NDP: variants seen among roughly 807,000 people sequenced by gnomAD.
The protein encoded by NDP is norrin cystine knot growth factor NDP.
NDP carries 2 observed loss-of-function variants against 8.4 expected under a neutral mutation model. That is an observed-to-expected ratio of 0.24 (90% CI 0.10 to 0.75). The LOEUF (loss-of-function observed/expected upper bound fraction) is 0.75, where lower values mean the gene tolerates loss of function less well. Among genes scored for constraint, NDP ranks in the 30% least tolerant of loss-of-function variants. The pLI is 0.73. For synonymous variants in NDP, 55 were observed against 45.6 expected (o/e 1.21, Z -0.83); for missense variants, 81 against 110.1 (o/e 0.74, Z 1.18).
chrX:43,958,941 T>C, intron 1 of NDP, 89 bp from the exon 2 acceptor site: 1 of 312,717 alleles, frequency 3.2e-6, no homozygotes, highest in Non-Finnish European at 5.8e-6. Flanking sequence ...AATTTTTCCA[T>C]GTTATTTTGA....
intron 2 of NDP, among the ~76,000 whole-genome samples, chrX:43,951,308 T>C (rs925899830): frequency 9.1e-6 from 1 of 110,133 alleles, no homozygotes; most frequent in East Asian, 2.8e-4. Context: ...CCAGCTACTT[T>C]GGCAGCTGAG....
chrX:43,958,683 G>A lies in NDP; in HGVS notation c.-38C>T. 8.6e-7 allele frequency: 1 copy of A among 1,156,980 alleles called. No individual in the cohort carries two copies. The highest frequency in any genetic ancestry group is 1.2e-6 in the Non-Finnish European group (1 of 847,249). ...AAACTTCTCTAGAAGAACAGCAGAG[G>A]GAGGCAGAGGACAAAAAATTGGAAA... On this transcript the variant is annotated 5_prime_UTR_variant, in exon 2 of 3. Transcript: ENST00000642620.
chrX:43,966,235 A>G (rs753113446), intron 1 of NDP, among the ~76,000 whole-genome samples: 4 of 111,694 alleles, frequency 3.6e-5, no homozygotes, highest in Non-Finnish European at 7.5e-5. Context: ...TGGCCTTTCT[A>G]TAGTGCCACA....
chrX:43,971,278 C>G (rs2035889837), intron 1 of NDP, among the ~76,000 whole-genome samples: 1 of 111,762 alleles, frequency 8.9e-6, no homozygotes, highest in Non-Finnish European at 1.9e-5. Flanking sequence ...AAATAATTAA[C>G]CAGAGAATAA....
At chrX:43,963,055 G>C (rs1434255530) in intron 1 of NDP, among the ~76,000 whole-genome samples, 1 of 112,224 alleles carries the variant, frequency 8.9e-6, no homozygotes, top group Non-Finnish European at 1.9e-5. Flanking sequence ...AGTGGTATGT[G>C]CCAAGAATGG....
rs757335782 is a variant in NDP at position 43,961,820 on chromosome X, T to C, written c.-207-2968A>G. Reference sequence around the variant, plus strand: ...ATTACGGGAAGGCATGCTAGTCTCTTAGTCAAATACTCTTCCAGGGCGACC... The same window carrying C: ...ATTACGGGAAGGCATGCTAGTCTCTCAGTCAAATACTCTTCCAGGGCGACC... On this transcript the variant is annotated intron_variant, in intron 1 of 2. Coordinates refer to ENST00000642620, the MANE Select transcript of NDP (RefSeq NM_000266.4). 1.9e-4 allele frequency among the ~76,000 whole-genome samples: 21 copies of C among 111,817 alleles called. No individual in the cohort carries two copies. In the East Asian group the frequency reaches 4.5e-3, roughly 24 times the overall value.
chrX:43,958,924 T>C (rs763447631), intron 1 of NDP, 72 bp from the exon 2 acceptor site: 1 of 334,762 alleles, frequency 3.0e-6, no homozygotes, highest in South Asian at 3.9e-5. Context: ...CAGGAGGTAT[T>C]AAGTAGAATT....
At position 43,964,741 on chromosome X, in the gene NDP, T is replaced by A. The variant is rs374259565; in HGVS notation, c.-207-5889A>T. On this transcript the variant is annotated intron_variant, in intron 1 of 2. Coordinates refer to ENST00000642620, the MANE Select transcript of NDP (RefSeq NM_000266.4). The stretch of plus-strand genomic sequence containing the variant: ...TACCCTCCCATCATTGGCTGTGTGA[T>A]CTTGAACAAGTCACTTGCCTTTTCT... 6.2e-5 allele frequency among the ~76,000 whole-genome samples: 7 copies of A among 112,116 alleles called. No individual in the cohort carries two copies. In the East Asian group the frequency reaches 8.4e-4, roughly 14 times the overall value.
chrX:43,970,530 C>G (rs1052293169), intron 1 of NDP, among the ~76,000 whole-genome samples: 7 of 110,990 alleles, frequency 6.3e-5, no homozygotes, highest in African/African-American at 1.6e-4. Context: ...TTTTTTTCCC[C>G]CAGTAACCTA....
chrX:43,969,571 C>T (rs1024269152), intron 1 of NDP: 3 of 112,781 alleles, frequency 2.7e-5, no homozygotes, highest in African/African-American at 9.7e-5. Context: ...CACTCCAGCC[C>T]CGCTCTCGGC....
At chrX:43,953,460 A>T (rs1408158723) in intron 2 of NDP, 2 of 112,358 alleles carry the variant, frequency 1.8e-5, no homozygotes, top group African/African-American at 6.5e-5. Context: ...TTCCCATCAG[A>T]TTCCAGTTGA....
At chrX:43,961,085 C>A (rs953723646) in intron 1 of NDP, among the ~76,000 whole-genome samples, 29 of 112,439 alleles carry the variant, frequency 2.6e-4, no homozygotes, top group African/African-American at 9.0e-4. Flanking sequence ...GAATAAAAGT[C>A]TCATTTAAGA....
chrX:43,967,610 G>A (rs769704333), intron 1 of NDP, among the ~76,000 whole-genome samples: 6 of 111,374 alleles, frequency 5.4e-5, no homozygotes, highest in Non-Finnish European at 1.1e-4. Context: ...TATTGAAAGG[G>A]CAGCAGCAGA....
rs1178773588 is a variant in NDP at position 43,958,705 on chromosome X, G to A, written c.-60C>T. On this transcript the variant is annotated 5_prime_UTR_variant, in exon 2 of 3. Transcript: ENST00000642620. ...GAGGGAGGCAGAGGACAAAAAATTG[G>A]AAATGGCTTCACCTCCTAGGATCCA... is the stretch of plus-strand genomic sequence containing the variant. The A allele has an allele frequency of 1.9e-6, 2 of 1,044,375 alleles. No homozygotes were observed. Among genetic ancestry groups the A allele is most frequent in the East Asian group, 3.1e-5 (1 of 32,681 alleles). The allele number at this position is 1,044,375 out of a possible 1,213,427, so 86.1% of individuals were successfully genotyped here.
chrX:43,956,782 C>T (rs1283427607), intron 2 of NDP, among the ~76,000 whole-genome samples: 2 of 112,195 alleles, frequency 1.8e-5, no homozygotes, highest in Non-Finnish European at 3.8e-5. Context: ...CAATTTTGCG[C>T]TGTTATTTGC....
At chrX:43,951,274 G>T in intron 2 of NDP, among the ~76,000 whole-genome samples, 1 of 109,655 alleles carries the variant, frequency 9.1e-6, no homozygotes, top group Admixed American at 9.8e-5. Flanking sequence ...AGTTAACCAG[G>T]CGTGGTGATG....
At chrX:43,964,111 C>T (rs141939477) in intron 1 of NDP, among the ~76,000 whole-genome samples, 3,025 of 111,362 alleles carry the variant, frequency 0.027, 107 homozygotes, top group African/African-American at 0.092. Context: ...CAGCAATGAC[C>T]GTCCCCAGAG....
intron 2 of NDP, among the ~76,000 whole-genome samples, chrX:43,955,900 T>G (rs1020363685): frequency 8.9e-5 from 10 of 112,177 alleles, no homozygotes; most frequent in African/African-American, 3.2e-4. Flanking sequence ...CTAGAAACAT[T>G]GCTGAGTATA....
intron 1 of NDP, among the ~76,000 whole-genome samples, chrX:43,961,268 TA>T (rs1376173356): frequency 5.0e-4 from 56 of 112,783 alleles, no homozygotes; most frequent in African/African-American, 1.4e-3. Context: ...CAATACCTTT[TA>T]AAAATGCAAA....
Sources: gnomAD v4.1 joint callset for allele counts (sites outside exome capture counted in the v4.1 genomes callset) on GRCh38, gnomAD v4.1.1 for gene constraint, MANE v1.5 for transcripts, NCBI Gene and HGNC (gene_info 2026-07-23, HGNC 2026-07-21) for gene names.